Variants in FOXJ3 observed in about 807,000 individuals in gnomAD.
The protein encoded by FOXJ3 is forkhead box protein J3.
In FOXJ3, 22 loss-of-function variants were observed where a neutral mutation model predicts 76.1. That is an observed-to-expected ratio of 0.29 (90% CI 0.21 to 0.41). The LOEUF (loss-of-function observed/expected upper bound fraction) is 0.41, where lower values mean the gene tolerates loss of function less well. Ranked by LOEUF, FOXJ3 falls within the 10% of genes least tolerant of loss-of-function variation. The probability of loss-of-function intolerance (pLI) is 1.00; values close to 1 mark genes in which losing one functional copy is unlikely to be tolerated. For synonymous variants in FOXJ3, 269 were observed against 261.2 expected (o/e 1.03, Z -0.29); for missense variants, 613 against 762.1 (o/e 0.80, Z 2.30).
At chr1:42,224,899 C>G (rs538835928) in intron 5 of FOXJ3, among the ~76,000 whole-genome samples, 2 of 151,792 alleles carry the variant, frequency 1.3e-5, no homozygotes, top group Non-Finnish European at 2.9e-5. Flanking sequence ...CCAGCCTCGG[C>G]AACATGGCAA....
chr1:42,228,959 C>T (rs545935529), intron 4 of FOXJ3, among the ~76,000 whole-genome samples: 1 of 152,230 alleles, frequency 6.6e-6, no homozygotes, highest in East Asian at 1.9e-4. Context: ...TTTAAGGCAA[C>T]GCTTAACAAT....
chr1:42,209,462 C>T (rs941220086), intron 5 of FOXJ3, among the ~76,000 whole-genome samples: 23 of 152,088 alleles, frequency 1.5e-4, no homozygotes, highest in African/African-American at 4.8e-4. Context: ...AAATAAGTGG[C>T]GGGCAGCAGC....
At chr1:42,234,953 T>A (rs1648480614) in intron 4 of FOXJ3, among the ~76,000 whole-genome samples, 1 of 152,250 alleles carries the variant, frequency 6.6e-6, no homozygotes, top group Admixed American at 6.5e-5. Context: ...CATTTAAGTC[T>A]GCAGAGGATT....
intron 5 of FOXJ3, among the ~76,000 whole-genome samples, chr1:42,221,337 C>T (rs973488880): frequency 6.6e-6 from 1 of 151,896 alleles, no homozygotes; most frequent in African/African-American, 2.4e-5. Context: ...TAGAAAATAG[C>T]CAAGACAAAA....
At chr1:42,298,575 A>G (rs1653938318) in intron 2 of FOXJ3, among the ~76,000 whole-genome samples, 2 of 152,110 alleles carry the variant, frequency 1.3e-5, no homozygotes, top group African/African-American at 2.4e-5. Flanking sequence ...TAACTTAGCT[A>G]GCAGGCTGTC....
intron 1 of FOXJ3, among the ~76,000 whole-genome samples, chr1:42,312,813 G>T (rs555171310): frequency 6.6e-6 from 1 of 152,192 alleles, no homozygotes; most frequent in South Asian, 2.1e-4. Flanking sequence ...CAAGAGAACT[G>T]CCAGGAAAAC....
chr1:42,182,059 G>C, intron 11 of FOXJ3, 35 bp from the exon 12 acceptor site: 1 of 1,211,566 alleles, frequency 8.3e-7, no homozygotes, highest in Non-Finnish European at 1.2e-6. Context: ...GGGAAAACAT[G>C]TTACCACAAA....
chr1:42,259,131 A>G (rs1383254496), intron 4 of FOXJ3, among the ~76,000 whole-genome samples: 1 of 152,188 alleles, frequency 6.6e-6, no homozygotes, highest in Non-Finnish European at 1.5e-5. Context: ...ATACTAAAGC[A>G]AAAAAGCCAG....
intron 1 of FOXJ3, among the ~76,000 whole-genome samples, chr1:42,315,179 G>A (rs1655033221): frequency 6.6e-6 from 1 of 152,216 alleles, no homozygotes; most frequent in Non-Finnish European, 1.5e-5. Flanking sequence ...GGAGATGGGG[G>A]AAGAGAGGAA....
intron 3 of FOXJ3, among the ~76,000 whole-genome samples, chr1:42,266,310 G>A (rs1257371818): frequency 6.6e-6 from 1 of 151,998 alleles, no homozygotes; most frequent in Non-Finnish European, 1.5e-5. Context: ...GATGTAAACA[G>A]CTACAAAGAA....
intron 5 of FOXJ3, among the ~76,000 whole-genome samples, chr1:42,208,441 A>C (rs536424668): frequency 6.6e-6 from 1 of 152,332 alleles, no homozygotes; most frequent in African/African-American, 2.4e-5. Flanking sequence ...TAAAAGAATG[A>C]AGGATCATCC....
In FOXJ3 at chr1:42,226,883, C is replaced by A. The variant is rs752752302; in HGVS notation, c.528+1000G>T. On this transcript the variant is annotated intron_variant, in intron 5 of 12. Transcript: ENST00000361346. ...TCTTTGAGGCTCAAAAGTTTTAACC[C>A]TTTACTGGGAATGGGCACAGAACAA... Among the ~76,000 whole-genome samples, 30 of 152,288 alleles carry A rather than the reference C, an allele frequency of 2.0e-4. 1 individual carries two copies. Among genetic ancestry groups the A allele is most frequent in the Admixed American group, 3.9e-4 (6 of 15,306 alleles).
intron 11 of FOXJ3, among the ~76,000 whole-genome samples, chr1:42,183,663 T>G (rs1285666640): frequency 6.6e-6 from 1 of 152,024 alleles, no homozygotes; most frequent in Non-Finnish European, 1.5e-5. Flanking sequence ...AATGTTGTAA[T>G]GAAACTAAAA....
intron 4 of FOXJ3, among the ~76,000 whole-genome samples, chr1:42,246,287 T>G (rs970118135): frequency 2.0e-5 from 3 of 152,056 alleles, no homozygotes; most frequent in African/African-American, 7.2e-5. Flanking sequence ...ATTCAGAATA[T>G]ACAAGGAACT....
intron 4 of FOXJ3, among the ~76,000 whole-genome samples, chr1:42,230,662 T>TTATAGCATTTG (rs1228036327): frequency 6.6e-6 from 1 of 152,186 alleles, no homozygotes; most frequent in Non-Finnish European, 1.5e-5. Flanking sequence ...GTTTTGGATT[T>TTATAGCATTTG]TATAGCATTT....
intron 4 of FOXJ3, among the ~76,000 whole-genome samples, chr1:42,238,244 A>C (rs2124510596): frequency 6.6e-6 from 1 of 152,250 alleles, no homozygotes; most frequent in East Asian, 1.9e-4. Context: ...CACATTGGCC[A>C]GGCTGCTCTC....
intron 4 of FOXJ3, among the ~76,000 whole-genome samples, chr1:42,260,876 C>T (rs891084786): frequency 1.3e-5 from 2 of 152,028 alleles, no homozygotes; most frequent in East Asian, 3.9e-4. Flanking sequence ...TAGTTATTTC[C>T]CCAGGATAGT....
intron 5 of FOXJ3, among the ~76,000 whole-genome samples, chr1:42,224,065 T>C (rs1457431281): frequency 6.6e-6 from 1 of 152,242 alleles, no homozygotes; most frequent in Non-Finnish European, 1.5e-5. Flanking sequence ...TCTTCTATTG[T>C]TTTGACTTTT....
intron 3 of FOXJ3, among the ~76,000 whole-genome samples, chr1:42,267,716 A>G (rs184552412): frequency 1.3e-5 from 2 of 152,310 alleles, no homozygotes; most frequent in Admixed American, 1.3e-4. Context: ...TAGCAGAAAA[A>G]AAGTGGACAA....
Sources: allele counts gnomAD v4.1 joint callset (sites outside exome capture counted in the v4.1 genomes callset), GRCh38; gene constraint gnomAD v4.1.1; transcripts MANE v1.5; gene names NCBI Gene and HGNC (gene_info 2026-07-23, HGNC 2026-07-21).